Variants in PABPC4L observed in about 807,000 individuals in gnomAD.
The protein encoded by PABPC4L is poly(A) binding protein cytoplasmic 4 like.
For synonymous variants in PABPC4L, 169 were observed against 164.1 expected, an observed-to-expected ratio of 1.03 and a Z score of -0.23; for missense variants, 452 against 451.4, an observed-to-expected ratio of 1.00 and a Z score of -0.01.
the PABPC4L span, among the ~76,000 whole-genome samples, chr4:134,019,454 A>G: frequency 3.9e-5 from 6 of 152,284 alleles, no homozygotes; most frequent in African/African-American, 1.4e-4. Flanking sequence ...GATTTCCATC[A>G]AATAAGTTGG....
At chr4:133,965,555 T>C in the PABPC4L span, among the ~76,000 whole-genome samples, 1 of 151,962 alleles carries the variant, frequency 6.6e-6, no homozygotes, top group Admixed American at 6.6e-5. Flanking sequence ...CATACTATCT[T>C]ATTTCAAACT....
the PABPC4L span, among the ~76,000 whole-genome samples, chr4:134,096,439 G>C: frequency 5.1e-4 from 78 of 151,816 alleles, 3 homozygotes; most frequent in Non-Finnish European, 1.0e-3. Flanking sequence ...GAAACAAAAG[G>C]GTCAAACTAC....
At chr4:134,056,935 C>G in the PABPC4L span, among the ~76,000 whole-genome samples, 1 of 151,976 alleles carries the variant, frequency 6.6e-6, no homozygotes. Flanking sequence ...TAAACCTGAG[C>G]GCCATAGATA....
At chr4:133,962,059 A>T in the PABPC4L span, among the ~76,000 whole-genome samples, 3 of 152,202 alleles carry the variant, frequency 2.0e-5, no homozygotes, top group African/African-American at 7.2e-5. Context: ...AACATCAGGA[A>T]TCCACATCCA....
the PABPC4L span, among the ~76,000 whole-genome samples, chr4:134,079,125 C>A: frequency 6.6e-6 from 1 of 151,378 alleles, no homozygotes; most frequent in Non-Finnish European, 1.5e-5. Flanking sequence ...GTGTGCACCA[C>A]CACGCCCAGC....
At chr4:134,080,141 C>A in the PABPC4L span, among the ~76,000 whole-genome samples, 1 of 151,952 alleles carries the variant, frequency 6.6e-6, no homozygotes, top group Non-Finnish European at 1.5e-5. Flanking sequence ...TATTTCAGAA[C>A]ATTTGGAAAA....
the PABPC4L span, among the ~76,000 whole-genome samples, chr4:134,001,801 T>A: frequency 6.6e-6 from 1 of 152,038 alleles, no homozygotes; most frequent in Non-Finnish European, 1.5e-5. Context: ...TCAAAACAAT[T>A]ATAAATCATA....
At chr4:134,001,757 T>C in the PABPC4L span, among the ~76,000 whole-genome samples, 1 of 152,116 alleles carries the variant, frequency 6.6e-6, no homozygotes, top group African/African-American at 2.4e-5. Flanking sequence ...CAAACTAATA[T>C]GGTGCTACTT....
At chr4:133,990,750 G>T in the PABPC4L span, among the ~76,000 whole-genome samples, 1 of 152,152 alleles carries the variant, frequency 6.6e-6, no homozygotes, top group African/African-American at 2.4e-5. Context: ...CCAGTAGAGA[G>T]CAGTCCTGCA....
At chr4:134,070,858 A>G in the PABPC4L span, among the ~76,000 whole-genome samples, 6 of 152,058 alleles carry the variant, frequency 3.9e-5, no homozygotes, top group Admixed American at 3.9e-4. Flanking sequence ...AAAAGAGAGA[A>G]CACAGATCAG....
the PABPC4L span, among the ~76,000 whole-genome samples, chr4:133,970,110 TA>T: frequency 6.8e-6 from 1 of 148,022 alleles, no homozygotes; most frequent in African/African-American, 2.5e-5. Flanking sequence ...TTTATTTATA[TA>T]AAATATATAT....
At chr4:134,163,204 A>T in the PABPC4L span, among the ~76,000 whole-genome samples, 3 of 152,138 alleles carry the variant, frequency 2.0e-5, no homozygotes, top group Non-Finnish European at 4.4e-5. Flanking sequence ...AATACAAAAG[A>T]TCATTTGAGA....
At chr4:133,987,871 A>G in the PABPC4L span, among the ~76,000 whole-genome samples, 2 of 152,310 alleles carry the variant, frequency 1.3e-5, no homozygotes, top group East Asian at 3.9e-4. Context: ...TTTACAGAAG[A>G]AAGAGGTTTA....
At chr4:134,023,597 C>G in the PABPC4L span, among the ~76,000 whole-genome samples, 1 of 151,888 alleles carries the variant, frequency 6.6e-6, no homozygotes, top group African/African-American at 2.4e-5. Flanking sequence ...ATTTCAATTG[C>G]ATTTCTCCTT....
chr4:134,093,088 C>G, the PABPC4L span, among the ~76,000 whole-genome samples: 2 of 150,740 alleles, frequency 1.3e-5, no homozygotes, highest in South Asian at 4.2e-4. Flanking sequence ...TTGTCATGTC[C>G]TCTCTCTCAT....
At chr4:133,997,496 T>TA in the PABPC4L span, among the ~76,000 whole-genome samples, 71,531 of 151,048 alleles carry the variant, frequency 0.47, 18,423 homozygotes, top group African/African-American at 0.65. Context: ...CATGTCTTAT[T>TA]AAAAAAAAGA....
the PABPC4L span, among the ~76,000 whole-genome samples, chr4:133,953,774 T>A: frequency 6.6e-6 from 1 of 152,172 alleles, no homozygotes; most frequent in Non-Finnish European, 1.5e-5. Flanking sequence ...GGATGCTCTC[T>A]CTCCCAAATG....
At chr4:133,970,049 A>ATTTC in the PABPC4L span, among the ~76,000 whole-genome samples, 2 of 144,014 alleles carry the variant, frequency 1.4e-5, no homozygotes, top group Non-Finnish European at 3.0e-5. Flanking sequence ...TTATTTATTT[A>ATTTC]TTTAAAATAT....
the PABPC4L span, among the ~76,000 whole-genome samples, chr4:134,103,091 C>T: frequency 2.6e-5 from 4 of 150,996 alleles, no homozygotes; most frequent in East Asian, 2.0e-4. Flanking sequence ...AGGTGTGGGC[C>T]GATACTTAAT....
Sources: allele counts gnomAD v4.1 joint callset (sites outside exome capture counted in the v4.1 genomes callset), GRCh38; gene constraint gnomAD v4.1.1; transcripts MANE v1.5; gene names NCBI Gene and HGNC (gene_info 2026-07-23, HGNC 2026-07-21).